RNF44: variants seen among roughly 807,000 people sequenced by gnomAD.
The protein encoded by RNF44 is ring finger protein 44.
In RNF44, 25 loss-of-function variants were observed where a neutral mutation model predicts 53.6. That is an observed-to-expected ratio of 0.47 (90% CI 0.34 to 0.65). The LOEUF is 0.65. Ranked by LOEUF, RNF44 falls within the 30% of genes least tolerant of loss-of-function variation. The probability of loss-of-function intolerance (pLI) is 0.01; values close to 1 mark genes in which losing one functional copy is unlikely to be tolerated. For missense variants in RNF44, 581 were observed against 595.5 expected, an observed-to-expected ratio of 0.98 and a Z score of 0.25; for synonymous variants, 282 against 252.2, an observed-to-expected ratio of 1.12 and a Z score of -1.12.
chr5:176,537,417 C>CT (rs1279128507), upstream of RNF44: 2 of 152,130 alleles, frequency 1.3e-5, no homozygotes, highest in Non-Finnish European at 2.9e-5. Context: ...GGGCCCCGCC[C>CT]CGCGCCGGGA....
rs777138154 is a variant in RNF44, at chr5:176,530,477, G to C, written c.801+105C>G. 19 of 1,170,712 alleles carry C rather than the reference G, an allele frequency of 1.6e-5. No individual in the cohort carries two copies. The African/African-American group carries it at 3.1e-4, about 19-fold the overall frequency. 72.5% of individuals were successfully genotyped at this position (1,170,712 alleles called of 1,614,324 possible). A position where few individuals can be genotyped will look rare whatever the true frequency, so the allele number is the denominator to read the frequency against. ...CCGGAGCCCACGTGCAAGTCAGCCC[G>C]GTGGGCCTGCCTCCCAGCTGCCTGG... On this transcript the variant is annotated intron_variant, in intron 6 of 10. Transcript: ENST00000274811.
Position 176,530,692 on chromosome 5 carries a change from G to C in RNF44, c.691C>G (p.Leu231Val), listed in dbSNP as rs750383922. The C allele has an allele frequency of 6.5e-7, 1 of 1,550,324 alleles. No homozygotes were observed. The highest frequency in any genetic ancestry group is 8.7e-7 in the Non-Finnish European group (1 of 1,150,886). Residue 231 changes from leucine (L) to valine (V), a missense_variant, in exon 6 of 11, where the codon CTG (leucine) becomes GTG (valine). Physicochemically the swap from Leu to Val is conservative, Grantham distance 32. This residue lies in a region of RNF44 where 387 missense variants were observed against 366.0 expected (regional missense o/e 1.06). Coordinates refer to ENST00000274811, the MANE Select transcript of RNF44 (RefSeq NM_014901.5). ...GAGGTGGAGTAGGTGAAGCTGCCCAGGGAGGGCTGGTCCCCACGCAGGTCC... is the reference window on the plus strand; with the variant it reads ...GAGGTGGAGTAGGTGAAGCTGCCCACGGAGGGCTGGTCCCCACGCAGGTCC... The part of the protein sequence containing the change: ...DVDLRGDQPS[L>V]GSFTYSTSAP...
intron 10 of RNF44, 66 bp downstream of exon 10, chr5:176,529,222 C>A: frequency 6.4e-7 from 1 of 1,556,066 alleles, no homozygotes; most frequent in Non-Finnish European, 8.8e-7. Flanking sequence ...AGGGAAACAG[C>A]CCAGGCCAGC....
chr5:176,529,457 C>G, intron 9 of RNF44, 66 bp downstream of exon 9: 1 of 1,607,314 alleles, frequency 6.2e-7, no homozygotes, highest in South Asian at 1.1e-5. Flanking sequence ...TGTGACTCCC[C>G]TGAGAGGGGC....
rs767586900 is a variant in RNF44, at chr5:176,530,937, G to A, written c.550C>T (p.His184Tyr). 1.4e-6 allele frequency: 2 copies of A among 1,448,300 alleles called. No individual in the cohort carries two copies. The highest frequency in any genetic ancestry group is 2.9e-5 in the African/African-American group (2 of 68,038). The allele number at this position is 1,448,300 out of a possible 1,614,324, so 89.7% of individuals were successfully genotyped here. A position where few individuals can be genotyped will look rare whatever the true frequency, so the allele number is the denominator to read the frequency against. Residue 184 changes from histidine to tyrosine, a missense_variant, in exon 5 of 11, where the codon CAC becomes TAC. His to Tyr is a moderately conservative substitution (Grantham distance 83). This residue lies in a region of RNF44 where 387 missense variants were observed against 366.0 expected (regional missense o/e 1.06). Coordinates refer to ENST00000274811, the MANE Select transcript of RNF44 (RefSeq NM_014901.5). ...GGGGGTGGGGCCGGTGGTGGGGGGTGCAGGATGTAGTGGTCACTGGAGATG... is the reference window on the plus strand; with the variant it reads ...GGGGGTGGGGCCGGTGGTGGGGGGTACAGGATGTAGTGGTCACTGGAGATG... ...HLISSDHYIL[H>Y]PPPPAPPPQP...
chr5:176,531,498 C>G lies in RNF44; in HGVS notation c.430G>C (p.Gly144Arg). 6.3e-7 allele frequency: 1 copy of G among 1,591,084 alleles called. No individual in the cohort carries two copies. Among genetic ancestry groups the G allele is most frequent in the Non-Finnish European group, 8.6e-7 (1 of 1,169,284 alleles). ...AGGCAGCAGAGGGGGTAATGCTGCC[C>G]ACTGAACATCACGGAGCATGCTGGG... ...QLPACSVMFS[G>R]QHYPLCCLPP... Residue 144 changes from glycine (G) to arginine (R), a missense_variant, in exon 4 of 11, where the codon GGG becomes CGG. This residue lies in a region of RNF44 where 387 missense variants were observed against 366.0 expected (regional missense o/e 1.06). Coordinates refer to ENST00000274811, the MANE Select transcript of RNF44 (RefSeq NM_014901.5). This position sits in a 1 kb window ranked among gnomAD's most constrained non-coding sequence, Gnocchi z 4.2.
upstream of RNF44, chr5:176,538,060 G>T (rs1388003470): frequency 6.6e-6 from 1 of 152,196 alleles, no homozygotes. Context: ...TCGCGCTGAC[G>T]TCACAGAGAC....
chr5:176,540,960 G>A (rs1367785496), upstream of RNF44, among the ~76,000 whole-genome samples: 1 of 152,228 alleles, frequency 6.6e-6, no homozygotes, highest in African/African-American at 2.4e-5. Flanking sequence ...GGTCACTGAT[G>A]GATCTTAGGC....
chr5:176,539,125 G>GT (rs1465494172), upstream of RNF44, among the ~76,000 whole-genome samples: 14 of 152,186 alleles, frequency 9.2e-5, no homozygotes, highest in Admixed American at 3.3e-4. Context: ...AGCAATGATC[G>GT]TATCACTGTG....
chr5:176,538,725 G>C (rs1296326184), upstream of RNF44, among the ~76,000 whole-genome samples: 1 of 152,174 alleles, frequency 6.6e-6, no homozygotes, highest in Non-Finnish European at 1.5e-5. Flanking sequence ...CATTTTCTAT[G>C]CTGCTTTGGT....
chr5:176,533,987 T>C (rs1038393359), intron 1 of RNF44, among the ~76,000 whole-genome samples: 35 of 152,214 alleles, frequency 2.3e-4, no homozygotes, highest in African/African-American at 7.2e-4. Flanking sequence ...AGGGAGCCAG[T>C]GTAACTGTCA....
At chr5:176,533,656 A>C (rs2076653678) in intron 1 of RNF44, among the ~76,000 whole-genome samples, 1 of 152,116 alleles carries the variant, frequency 6.6e-6, no homozygotes, top group Non-Finnish European at 1.5e-5. Context: ...AAAAGGAAGG[A>C]AGAACCCGAG....
chr5:176,542,101 C>T (rs1226012470), upstream of RNF44, among the ~76,000 whole-genome samples: 1 of 152,212 alleles, frequency 6.6e-6, no homozygotes, highest in East Asian at 1.9e-4. Flanking sequence ...CTCTGGCCCT[C>T]AGCACTCGGG....
At chr5:176,538,485 T>C (rs1757363618), upstream of RNF44, among the ~76,000 whole-genome samples, 1 of 152,208 alleles carries the variant, frequency 6.6e-6, no homozygotes, top group Non-Finnish European at 1.5e-5. Context: ...ACCACAATTA[T>C]ATAAGCAGAA....
In RNF44 at chr5:176,531,651, G is replaced by A. The variant is rs373022526; in HGVS notation, c.298-21C>T. On this transcript the variant is annotated intron_variant, in intron 3 of 10. Transcript: ENST00000274811. This position sits in a 1 kb window ranked among gnomAD's most constrained non-coding sequence, Gnocchi z 4.2. ...TGCACCTGTGGGTGGAGAGAACGCC[G>A]GGAAAGTATGAAAAGGAAGCTGACC... 1.3e-4 allele frequency: 211 copies of A among 1,589,512 alleles called. No individual in the cohort carries two copies. Among genetic ancestry groups the A allele is most frequent in the East Asian group, 3.2e-4 (14 of 44,442 alleles).
rs1273789647 is a variant in RNF44 at position 176,531,447 on chromosome 5, A to G, written c.465+16T>C. 2 of 1,547,050 alleles carry G rather than the reference A, an allele frequency of 1.3e-6. No individual in the cohort carries two copies. The highest frequency in any genetic ancestry group is 2.4e-5 in the East Asian group (1 of 40,964). ...GCTTGCAGCTGGTGGAGGAGGAGCT[A>G]GAAACACTCACTCACCGGGGGCGGG... is the stretch of plus-strand genomic sequence containing the variant. On this transcript the variant is annotated intron_variant, in intron 4 of 10. Transcript: ENST00000274811. The surrounding 1 kb of genome is among the most constrained non-coding windows in gnomAD (Gnocchi z 4.2).
chr5:176,532,545 G>A, intron 1 of RNF44, 29 bp from the exon 2 acceptor site: 1 of 1,456,720 alleles, frequency 6.9e-7, no homozygotes, highest in Non-Finnish European at 9.0e-7. Flanking sequence ...AGAAGACTGA[G>A]GCACCTGGCC....
rs61744391 is a variant in RNF44 at position 176,532,125 on chromosome 5, G to A, written c.176C>T (p.Pro59Leu). 5.5e-4 allele frequency: 866 copies of A among 1,582,752 alleles called. 3 individuals carry two copies. In the African/African-American group the frequency reaches 9.2e-3, roughly 17 times the overall value. ...TACGGGGAGGTGTGGAGGTCGGGAC[G>A]GCGGCTGCTGGGAGGGTAAGCGCTC... ...RDERLPSQQP[P>L]SRPPHLPVEE... The change falls in exon 3 of 11, where the codon CCG becomes CTG. Residue 59 changes from proline (P) to leucine (L), a missense_variant. Physicochemically the swap from Pro to Leu is moderately conservative, Grantham distance 98. Transcript: ENST00000274811.
In RNF44 at chr5:176,526,864, A is replaced by G. The variant is rs1198544221; in HGVS notation, c.*2164T>C. ...GTTAAAAATTTCAATCAGTATACACATATATATAATACAACATACTAGTTA... is the reference window on the plus strand; with the variant it reads ...GTTAAAAATTTCAATCAGTATACACGTATATATAATACAACATACTAGTTA... On this transcript the variant is annotated 3_prime_UTR_variant, in exon 11 of 11. Transcript: ENST00000274811. The G allele has an allele frequency of 6.6e-6, 1 of 152,546 alleles. No homozygotes were observed. Among genetic ancestry groups the G allele is most frequent in the African/African-American group, 2.4e-5 (1 of 41,448 alleles). 9.4% of individuals were successfully genotyped at this position (152,546 alleles called of 1,614,324 possible). A position where few individuals can be genotyped will look rare whatever the true frequency, so the allele number is the denominator to read the frequency against.
Sources: gnomAD v4.1 joint callset for allele counts (sites outside exome capture counted in the v4.1 genomes callset) on GRCh38, gnomAD v4.1.1 for gene constraint, gnomAD v4.1.1 regional missense constraint, Gnocchi (gnomAD v3.1) non-coding constraint, MANE v1.5 for transcripts, NCBI Gene and HGNC (gene_info 2026-07-23, HGNC 2026-07-21) for gene names.